Variants in PPFIA2 observed in about 807,000 individuals in gnomAD.
PPFIA2 encodes PPFI scaffold protein A2.
In PPFIA2, 46 loss-of-function variants were observed where a neutral mutation model predicts 175.5. That is an observed-to-expected ratio of 0.26 (90% CI 0.21 to 0.34). The LOEUF (loss-of-function observed/expected upper bound fraction) is 0.34, where lower values mean the gene tolerates loss of function less well. PPFIA2 is among the 10% of genes least tolerant of loss of function. The pLI is 1.00. For missense variants in PPFIA2, 1,179 were observed against 1,506.1 expected (o/e 0.78, Z 3.60); for synonymous variants, 568 against 511.4 (o/e 1.11, Z -1.49).
chr12:81,521,840 T>C (rs2063191272), intron 4 of PPFIA2, among the ~76,000 whole-genome samples: 1 of 151,582 alleles, frequency 6.6e-6, no homozygotes, highest in African/African-American at 2.4e-5. Flanking sequence ...AAAAAAATTA[T>C]TGCACATTTT....
intron 22 of PPFIA2, among the ~76,000 whole-genome samples, chr12:81,319,405 T>C (rs550949582): frequency 1.1e-3 from 167 of 151,894 alleles, no homozygotes; most frequent in African/African-American, 3.9e-3. Flanking sequence ...GGGCTATACA[T>C]GATCACATGG....
intron 28 of PPFIA2, among the ~76,000 whole-genome samples, chr12:81,272,136 A>T (rs979889493): frequency 6.6e-6 from 1 of 152,058 alleles, no homozygotes; most frequent in African/African-American, 2.4e-5. Flanking sequence ...GCAGATTCTA[A>T]GATTTTGGGG....
intron 14 of PPFIA2, among the ~76,000 whole-genome samples, chr12:81,365,648 G>A (rs2032965631): frequency 6.6e-6 from 1 of 151,510 alleles, no homozygotes; most frequent in Admixed American, 6.6e-5. Context: ...TTTTCTTTGT[G>A]CCGTTGCAGA....
At position 81,712,728 on chromosome 12, in the gene PPFIA2, AT is replaced by A. The variant is rs568877711; in HGVS notation, c.250-35885del. Among the ~76,000 whole-genome samples the A allele has an allele frequency of 5.9e-3, 855 of 145,528 alleles. 11 individuals carry two copies. Among genetic ancestry groups the A allele is most frequent in the African/African-American group, 0.012 (484 of 40,164 alleles). On this transcript the variant is annotated intron_variant, in intron 3 of 32. Transcript: ENST00000549396. ...CTGACTCTAACAATAACATAAAAGG[AT>A]TTTTTTTTTTAAGTGGGACATCACT...
intron 9 of PPFIA2, among the ~76,000 whole-genome samples, chr12:81,376,430 A>T (rs2036380989): frequency 6.6e-6 from 1 of 151,764 alleles, no homozygotes. Flanking sequence ...AAAAAAAAAT[A>T]GTACATTTGG....
At chr12:81,349,230 TTGG>T (rs1360274166) in intron 17 of PPFIA2, among the ~76,000 whole-genome samples, 1 of 152,148 alleles carries the variant, frequency 6.6e-6, no homozygotes, top group Non-Finnish European at 1.5e-5. Flanking sequence ...AGAAAGTACT[TTGG>T]TAGTCTACTT....
At chr12:81,570,241 GT>G (rs1003550837) in intron 4 of PPFIA2, among the ~76,000 whole-genome samples, 1 of 152,120 alleles carries the variant, frequency 6.6e-6, no homozygotes, top group Non-Finnish European at 1.5e-5. Context: ...AAGAGATGCT[GT>G]TTTTTGACTT....
At chr12:81,562,104 C>T (rs756438961) in intron 4 of PPFIA2, among the ~76,000 whole-genome samples, 1 of 152,008 alleles carries the variant, frequency 6.6e-6, no homozygotes, top group African/African-American at 2.4e-5. Flanking sequence ...AAAAGATAGG[C>T]CTTTATGTTT....
At chr12:81,504,862 G>A (rs1012686994) in intron 4 of PPFIA2, among the ~76,000 whole-genome samples, 21 of 152,138 alleles carry the variant, frequency 1.4e-4, no homozygotes, top group Non-Finnish European at 1.2e-4. Context: ...GATGAAGCCG[G>A]AAACCATCAT....
chr12:81,642,220 C>T (rs2065056140), intron 4 of PPFIA2, among the ~76,000 whole-genome samples: 1 of 151,792 alleles, frequency 6.6e-6, no homozygotes, highest in Admixed American at 6.6e-5. Flanking sequence ...CACATATATA[C>T]ACACAAAAGC....
At chr12:81,636,812 C>A (rs1320515089) in intron 4 of PPFIA2, among the ~76,000 whole-genome samples, 1 of 151,810 alleles carries the variant, frequency 6.6e-6, no homozygotes, top group African/African-American at 2.4e-5. Context: ...ACCACCACGC[C>A]CAAGTAAATT....
intron 27 of PPFIA2, among the ~76,000 whole-genome samples, chr12:81,279,551 C>T (rs772457916): frequency 2.0e-5 from 3 of 151,902 alleles, no homozygotes; most frequent in Non-Finnish European, 2.9e-5. Context: ...AAAACTGTGC[C>T]GAAAAGACCA....
At chr12:81,538,212 G>C (rs147699049) in intron 4 of PPFIA2, among the ~76,000 whole-genome samples, 1 of 151,766 alleles carries the variant, frequency 6.6e-6, no homozygotes, top group Non-Finnish European at 1.5e-5. Flanking sequence ...AAATGATAAG[G>C]TATGGTGAAT....
In PPFIA2 at chr12:81,375,857, A is replaced by G; in HGVS notation, c.1070T>C (p.Ile357Thr). ...TTCTAGTTTATCATTCATGTCATGT[A>G]TGGAGGTAGATTCTCTCTGAGCACT... ...YLSAQRESTS[I>T]HDMNDKLENE... The change falls in exon 10 of 33, where the codon ATA becomes ACA. Residue 357 changes from isoleucine to threonine, a missense_variant. Physicochemically the swap from Ile to Thr is moderately conservative, Grantham distance 89 (BLOSUM62 -1). Transcript: ENST00000549396. 3 of 1,608,262 alleles carry G rather than the reference A, an allele frequency of 1.9e-6. No individual in the cohort carries two copies. The highest frequency in any genetic ancestry group is 2.6e-6 in the Non-Finnish European group (3 of 1,174,920).
chr12:81,583,831 G>T (rs2074782131), intron 4 of PPFIA2, among the ~76,000 whole-genome samples: 1 of 151,962 alleles, frequency 6.6e-6, no homozygotes, highest in Admixed American at 6.6e-5. Flanking sequence ...CCATGGAGAA[G>T]CTCTGCCTAG....
chr12:81,712,149 T>C (rs565482345), intron 3 of PPFIA2, among the ~76,000 whole-genome samples: 6 of 151,332 alleles, frequency 4.0e-5, no homozygotes, highest in African/African-American at 1.2e-4. Flanking sequence ...ACCACTTTTT[T>C]AAAAAGGCAT....
chr12:81,325,848 A>G lies in PPFIA2; in HGVS notation c.2571T>C (p.Ala857=), dbSNP rs778456275. ...GQLRGFMETE[A]AAQESLGLGK... ...CTAACCCCAGGGACTCCTGAGCTGC[A>G]GCTTCAGTCTCCATAAAGCCTCCTG... The change falls in exon 22 of 33, where the codon GCT becomes GCC. Residue 857 remains alanine (A), a synonymous_variant. Coordinates refer to ENST00000549396, the MANE Select transcript of PPFIA2 (RefSeq NM_003625.5). 1 of 1,612,500 alleles carries G rather than the reference A, an allele frequency of 6.2e-7. No homozygotes were observed. Among genetic ancestry groups the G allele is most frequent in the Non-Finnish European group, 8.5e-7 (1 of 1,178,790 alleles).
chr12:81,520,874 C>T (rs1454152991), intron 4 of PPFIA2, among the ~76,000 whole-genome samples: 1 of 152,144 alleles, frequency 6.6e-6, no homozygotes, highest in African/African-American at 2.4e-5. Flanking sequence ...GGATTTATAC[C>T]ATGCAGTGCC....
At chr12:81,300,956 C>T (rs1035019924) in intron 22 of PPFIA2, among the ~76,000 whole-genome samples, 1 of 152,052 alleles carries the variant, frequency 6.6e-6, no homozygotes, top group East Asian at 1.9e-4. Context: ...ACAAAACAAA[C>T]ACATGAAACT....
Sources: allele counts gnomAD v4.1 joint callset (sites outside exome capture counted in the v4.1 genomes callset), GRCh38; gene constraint gnomAD v4.1.1; transcripts MANE v1.5; gene names NCBI Gene and HGNC (gene_info 2026-07-23, HGNC 2026-07-21).